SMARCC1: variants seen among roughly 807,000 people sequenced by gnomAD.
SMARCC1 encodes SWI/SNF related BAF chromatin remodeling complex subunit C1, also known as SWI/SNF complex subunit SMARCC1.
SMARCC1 carries 43 observed loss-of-function variants against 147.4 expected under a neutral mutation model. That is an observed-to-expected ratio of 0.29 (90% CI 0.23 to 0.38). The LOEUF (loss-of-function observed/expected upper bound fraction) is 0.38, where lower values mean the gene tolerates loss of function less well. Ranked by LOEUF, SMARCC1 falls within the 10% of genes least tolerant of loss-of-function variation. The pLI is 1.00. For synonymous variants in SMARCC1, 495 were observed against 484.4 expected, an observed-to-expected ratio of 1.02 and a Z score of -0.29; for missense variants, 1,119 against 1,381.1, an observed-to-expected ratio of 0.81 and a Z score of 3.01.
chr3:47,728,978 T>C (rs2034334984), intron 6 of SMARCC1, 47 bp downstream of exon 6: 1 of 1,157,246 alleles, frequency 8.6e-7, no homozygotes, highest in Admixed American at 2.0e-5. Flanking sequence ...AAAATCCATT[T>C]GGTATGATGT....
intron 6 of SMARCC1, among the ~76,000 whole-genome samples, chr3:47,727,023 AACATGGTG>A (rs911759320): frequency 1.3e-5 from 2 of 151,890 alleles, no homozygotes; most frequent in African/African-American, 4.8e-5. Context: ...AAGCCTGTCC[AACATGGTG>A]AAACCCTGTC....
At chr3:47,754,347 C>A (rs553051952) in intron 2 of SMARCC1, among the ~76,000 whole-genome samples, 5 of 151,944 alleles carry the variant, frequency 3.3e-5, no homozygotes, top group African/African-American at 1.2e-4. Context: ...GGACTGCAGG[C>A]GCGCACCACC....
At chr3:47,654,785 T>C (rs1436472664) in intron 21 of SMARCC1, among the ~76,000 whole-genome samples, 1 of 152,142 alleles carries the variant, frequency 6.6e-6, no homozygotes, top group Non-Finnish European at 1.5e-5. Context: ...CTGGGATAAC[T>C]AATCCAATTC....
intron 2 of SMARCC1, among the ~76,000 whole-genome samples, chr3:47,764,158 TC>T (rs1393230419): frequency 6.6e-6 from 1 of 152,086 alleles, no homozygotes; most frequent in African/African-American, 2.4e-5. Context: ...CTGGGTCAGC[TC>T]CCAAGTAGTT....
At chr3:47,704,045 G>A (rs1051212011) in intron 10 of SMARCC1, among the ~76,000 whole-genome samples, 1 of 151,982 alleles carries the variant, frequency 6.6e-6, no homozygotes, top group Non-Finnish European at 1.5e-5. Context: ...TGATCCGCCC[G>A]TCTCGGCCTC....
intron 25 of SMARCC1, among the ~76,000 whole-genome samples, chr3:47,620,191 G>T (rs927085283): frequency 2.0e-5 from 3 of 152,122 alleles, no homozygotes; most frequent in Non-Finnish European, 4.4e-5. Flanking sequence ...GGCCAGGTGC[G>T]GTGGCTCACG....
intron 15 of SMARCC1, 68 bp downstream of exon 15, chr3:47,680,369 G>A (rs1248336895): frequency 1.9e-6 from 2 of 1,031,366 alleles, no homozygotes; most frequent in African/African-American, 3.2e-5. Flanking sequence ...AAGGAACTCA[G>A]GTGGATGCTT....
At chr3:47,595,887 A>AC (rs2032270856) in intron 26 of SMARCC1, among the ~76,000 whole-genome samples, 1 of 151,752 alleles carries the variant, frequency 6.6e-6, no homozygotes, top group Admixed American at 6.6e-5. Context: ...GGCACGTGCC[A>AC]CCACGCCCAG....
intron 24 of SMARCC1, among the ~76,000 whole-genome samples, chr3:47,624,518 C>T (rs2032779500): frequency 6.6e-6 from 1 of 152,104 alleles, no homozygotes; most frequent in Admixed American, 6.5e-5. Flanking sequence ...CCTTTCAACT[C>T]TGAGGGCTAA....
At chr3:47,697,945 G>A (rs1277739260) in intron 11 of SMARCC1, among the ~76,000 whole-genome samples, 9 of 134,742 alleles carry the variant, frequency 6.7e-5, no homozygotes, top group South Asian at 2.6e-4. Flanking sequence ...GAGGTAAAGC[G>A]TGCAGTGAGT....
At chr3:47,628,665 A>G (rs538634856) in intron 24 of SMARCC1, among the ~76,000 whole-genome samples, 20 of 152,268 alleles carry the variant, frequency 1.3e-4, no homozygotes, top group African/African-American at 3.8e-4. Flanking sequence ...CCCAGGTTCA[A>G]GTGATTCTCG....
At chr3:47,767,372 C>G (rs1470537961) in intron 2 of SMARCC1, among the ~76,000 whole-genome samples, 3 of 146,598 alleles carry the variant, frequency 2.0e-5, no homozygotes, top group African/African-American at 7.5e-5. Context: ...TCCTGAGTAG[C>G]TGGGATTACA....
intron 2 of SMARCC1, among the ~76,000 whole-genome samples, chr3:47,767,945 C>T (rs1247060389): frequency 6.6e-6 from 1 of 151,942 alleles, no homozygotes; most frequent in Non-Finnish European, 1.5e-5. Context: ...AAGTGATCCT[C>T]CCACCTCAGC....
intron 21 of SMARCC1, among the ~76,000 whole-genome samples, chr3:47,650,377 C>G (rs1398047660): frequency 6.7e-6 from 1 of 149,784 alleles, no homozygotes; most frequent in African/African-American, 2.5e-5. Flanking sequence ...AAAGTTGAAC[C>G]TAACTAGTAG....
chr3:47,758,380 CAA>C (rs71070227), intron 2 of SMARCC1, among the ~76,000 whole-genome samples: 6 of 120,720 alleles, frequency 5.0e-5, no homozygotes, highest in African/African-American at 3.1e-5. Context: ...TTCAGCCTCG[CAA>C]AAAAAAAAAA....
intron 3 of SMARCC1, among the ~76,000 whole-genome samples, chr3:47,740,178 C>CTTTTTTTTTTTTT (rs34523367): frequency 5.6e-5 from 2 of 35,708 alleles, no homozygotes; most frequent in African/African-American, 7.9e-5. Flanking sequence ...GCCCGGCCAT[C>CTTTTTTTTTTTTT]TTTTTTTTTT....
intron 1 of SMARCC1, among the ~76,000 whole-genome samples, chr3:47,778,477 G>GT (rs1421753506): frequency 1.3e-5 from 2 of 151,682 alleles, no homozygotes; most frequent in Non-Finnish European, 2.9e-5. Context: ...CACAACTGAT[G>GT]TATTTTTTTG....
At chr3:47,721,108 T>C (rs897146269) in intron 6 of SMARCC1, among the ~76,000 whole-genome samples, 1 of 152,188 alleles carries the variant, frequency 6.6e-6, no homozygotes, top group Admixed American at 6.6e-5. Flanking sequence ...CATCCCTCTT[T>C]CTGTGAGGCT....
At chr3:47,775,349 ACGGGG>A (rs2034962178) in intron 1 of SMARCC1, among the ~76,000 whole-genome samples, 1 of 149,500 alleles carries the variant, frequency 6.7e-6, no homozygotes, top group South Asian at 2.2e-4. Flanking sequence ...TTTAGTAGAG[ACGGGG>A]TTTCACCATG....
Sources: gnomAD v4.1 joint callset for allele counts (sites outside exome capture counted in the v4.1 genomes callset) on GRCh38, gnomAD v4.1.1 for gene constraint, MANE v1.5 for transcripts, NCBI Gene and HGNC (gene_info 2026-07-23, HGNC 2026-07-21) for gene names.